The following RCHY1 variants were observed in gnomAD, a reference collection of about 807,000 sequenced individuals.
RCHY1 encodes RING finger and CHY zinc finger domain-containing protein 1.
RCHY1 carries 21 observed loss-of-function variants against 41.6 expected under a neutral mutation model. The observed-to-expected ratio is 0.51, with a 90% CI of 0.36 to 0.73. The LOEUF (loss-of-function observed/expected upper bound fraction) is 0.73, where lower values mean the gene tolerates loss of function less well. Among genes scored for constraint, RCHY1 ranks in the 30% least tolerant of loss-of-function variants. The probability of loss-of-function intolerance (pLI) is 0.00; values close to 1 mark genes in which losing one functional copy is unlikely to be tolerated. For missense variants in RCHY1, 265 were observed against 325.3 expected, an observed-to-expected ratio of 0.81 and a Z score of 1.43; for synonymous variants, 79 against 102.9, an observed-to-expected ratio of 0.77 and a Z score of 1.41.
chr4:75,492,277 C>T (rs932414558), intron 4 of RCHY1, among the ~76,000 whole-genome samples: 1 of 151,856 alleles, frequency 6.6e-6, no homozygotes, highest in Non-Finnish European at 1.5e-5. Flanking sequence ...TACTCCAAAG[C>T]CAGTGACCTA....
At chr4:75,490,302 A>C (rs565482467) in intron 8 of RCHY1, among the ~76,000 whole-genome samples, 1 of 152,214 alleles carries the variant, frequency 6.6e-6, no homozygotes, top group East Asian at 1.9e-4. Context: ...TTACTGACTG[A>C]CTCTGGCAAG....
In RCHY1 at chr4:75,487,892, C is replaced by CATAATATATATTCATA. The variant is rs1479975636; in HGVS notation, c.657+2688_657+2689insTATGAATATATATTAT. ...AATATATATTCATAATATATATATT[C>CATAATATATATTCATA]ATATATATATTCATATATATAAATG... On this transcript the variant is annotated intron_variant, in intron 8 of 8. Transcript: ENST00000324439. Among the ~76,000 whole-genome samples the CATAATATATATTCATA allele has an allele frequency of 2.8e-3, 200 of 72,542 alleles. 5 individuals carry two copies. Among genetic ancestry groups the CATAATATATATTCATA allele is most frequent in the African/African-American group, 4.1e-3 (61 of 14,970 alleles). The allele number at this position is 72,542 out of a possible 152,430, so 47.6% of individuals were successfully genotyped here. A position where few individuals can be genotyped will look rare whatever the true frequency, so the allele number is the denominator to read the frequency against.
In RCHY1 at chr4:75,483,801, C is replaced by T. The variant is rs1578201183; in HGVS notation, c.658-1135G>A. Among the ~76,000 whole-genome samples the T allele has an allele frequency of 2.0e-5, 3 of 152,064 alleles. No homozygotes were observed. The South Asian group carries it at 6.2e-4, about 31-fold the overall frequency. On this transcript the variant is annotated intron_variant, in intron 8 of 8. Coordinates refer to ENST00000324439, the MANE Select transcript of RCHY1 (RefSeq NM_015436.4). ...GGCTTTGCTACGTGGTTTTTATCCT[C>T]GTATGCTGAAGTATCTGAAGATGTT...
At chr4:75,489,816 G>A (rs1722588928) in intron 8 of RCHY1, among the ~76,000 whole-genome samples, 1 of 152,142 alleles carries the variant, frequency 6.6e-6, no homozygotes, top group East Asian at 1.9e-4. Flanking sequence ...CTGGGTCTCT[G>A]AGAACAACAT....
At chr4:75,512,290 A>T (rs1724965619) in intron 1 of RCHY1, among the ~76,000 whole-genome samples, 1 of 152,164 alleles carries the variant, frequency 6.6e-6, no homozygotes, top group Non-Finnish European at 1.5e-5. Context: ...TTCCTCCTTA[A>T]CACTCTGCTG....
Position 75,481,069 on chromosome 4 carries a change from A to G in RCHY1, c.*1469T>C, listed in dbSNP as rs1721487392. On this transcript the variant is annotated 3_prime_UTR_variant, in exon 9 of 9. Transcript: ENST00000324439. ...TAATACCCAGGAACATCCTTTCCCA[A>G]ATGAAGATCAGCACTGCTGCTCTGG... is the stretch of plus-strand genomic sequence containing the variant. The G allele has an allele frequency of 6.6e-6, 1 of 152,282 alleles. No individual in the cohort carries two copies. Among genetic ancestry groups the G allele is most frequent in the Admixed American group, 6.5e-5 (1 of 15,284 alleles). 9.4% of individuals were successfully genotyped at this position (152,282 alleles called of 1,614,324 possible). A position where few individuals can be genotyped will look rare whatever the true frequency, so the allele number is the denominator to read the frequency against.
intron 3 of RCHY1, among the ~76,000 whole-genome samples, chr4:75,500,122 C>T (rs1723613636): frequency 6.6e-6 from 1 of 152,146 alleles, no homozygotes; most frequent in Admixed American, 6.5e-5. Context: ...GCCTGGGCAA[C>T]AGAGCAAGAC....
chr4:75,493,069 A>G (rs1277880295), intron 4 of RCHY1, among the ~76,000 whole-genome samples: 1 of 151,990 alleles, frequency 6.6e-6, no homozygotes, highest in African/African-American at 2.4e-5. Context: ...ATGCTTTGGA[A>G]ACCAGAACAT....
At chr4:75,503,339 T>C (rs567571354) in intron 3 of RCHY1, among the ~76,000 whole-genome samples, 1 of 152,250 alleles carries the variant, frequency 6.6e-6, no homozygotes, top group African/African-American at 2.4e-5. Flanking sequence ...GATTTTCAGA[T>C]GATGTACCAT....
At chr4:75,507,725 T>TA (rs1375863588) in intron 3 of RCHY1, among the ~76,000 whole-genome samples, 3 of 151,966 alleles carry the variant, frequency 2.0e-5, no homozygotes, top group Non-Finnish European at 4.4e-5. Flanking sequence ...TTACTAAAGA[T>TA]AAAAAGACAC....
At chr4:75,483,900 T>C (rs1056118244) in intron 8 of RCHY1, among the ~76,000 whole-genome samples, 3 of 152,124 alleles carry the variant, frequency 2.0e-5, no homozygotes, top group African/African-American at 7.2e-5. Flanking sequence ...TAAAACTCAA[T>C]ACCATGTATG....
chr4:75,494,261 A>T, intron 3 of RCHY1, 82 bp from the exon 4 acceptor site: 1 of 989,510 alleles, frequency 1.0e-6, no homozygotes. Flanking sequence ...ACACAAGTTT[A>T]GTCTCTGTAA....
chr4:75,507,361 ATAAC>A (rs1455069235), intron 3 of RCHY1, among the ~76,000 whole-genome samples: 4 of 152,136 alleles, frequency 2.6e-5, no homozygotes, highest in East Asian at 1.9e-4. Context: ...TGAAAAATGT[ATAAC>A]TAACAAGCCT....
intron 1 of RCHY1, 55 bp downstream of exon 1, chr4:75,514,142 G>A: frequency 2.6e-6 from 4 of 1,558,754 alleles, no homozygotes; most frequent in South Asian, 1.1e-5. Context: ...TGCCCAGCCC[G>A]CCCCAGCCCA....
intron 8 of RCHY1, among the ~76,000 whole-genome samples, chr4:75,487,186 G>A (rs915838960): frequency 1.3e-5 from 2 of 151,940 alleles, no homozygotes; most frequent in Admixed American, 1.3e-4. Context: ...ATTCGCTTTA[G>A]TCCTAACAAT....
chr4:75,506,184 T>C (rs1193440827), intron 3 of RCHY1, among the ~76,000 whole-genome samples: 1 of 148,020 alleles, frequency 6.8e-6, no homozygotes, highest in Non-Finnish European at 1.5e-5. Context: ...TAAATTGGAT[T>C]AAGGTTATCC....
chr4:75,491,547 C>T lies in RCHY1; in HGVS notation c.536+64G>A, dbSNP rs1442477998. On this transcript the variant is annotated intron_variant, in intron 7 of 8. Transcript: ENST00000324439. ...ATAAGTAACAATGTTTGTCCACCTC[C>T]CCACACCACACACACAAAAAAGTCA... 7.5e-6 allele frequency: 11 copies of T among 1,467,070 alleles called. 1 individual carries two copies. Among genetic ancestry groups the T allele is most frequent in the Non-Finnish European group, 1.0e-5 (11 of 1,055,194 alleles). 90.9% of individuals were successfully genotyped at this position (1,467,070 alleles called of 1,614,324 possible).
chr4:75,496,337 G>A (rs559765565), intron 3 of RCHY1, among the ~76,000 whole-genome samples: 8 of 152,186 alleles, frequency 5.3e-5, no homozygotes, highest in African/African-American at 1.9e-4. Flanking sequence ...AACTAAGGGT[G>A]AGCTAGGAAG....
chr4:75,513,252 C>A (rs1030950104), intron 1 of RCHY1, among the ~76,000 whole-genome samples: 3 of 152,122 alleles, frequency 2.0e-5, no homozygotes, highest in Non-Finnish European at 4.4e-5. Flanking sequence ...CAGTGACCAG[C>A]AAGGCTGACT....
Sources: allele counts gnomAD v4.1 joint callset (sites outside exome capture counted in the v4.1 genomes callset), GRCh38; gene constraint gnomAD v4.1.1; transcripts MANE v1.5; gene names NCBI Gene and HGNC (gene_info 2026-07-23, HGNC 2026-07-21).